The following LCP2 variants were observed in gnomAD, a reference collection of about 807,000 sequenced individuals.
LCP2 encodes 76 kDa tyrosine phosphoprotein.
LCP2 carries 29 observed loss-of-function variants against 74.5 expected under a neutral mutation model. The observed-to-expected ratio is 0.39, with a 90% CI of 0.29 to 0.53. The LOEUF (loss-of-function observed/expected upper bound fraction) is 0.53. LCP2 is among the 20% of genes least tolerant of loss of function. The probability of loss-of-function intolerance (pLI) is 0.72; values close to 1 mark genes in which losing one functional copy is unlikely to be tolerated. For synonymous variants in LCP2, 228 were observed against 229.5 expected, an observed-to-expected ratio of 0.99 and a Z score of 0.06; for missense variants, 604 against 634.6, an observed-to-expected ratio of 0.95 and a Z score of 0.52.
At chr5:170,253,258 T>A (rs1410739566) in intron 17 of LCP2, 45 bp from the exon 18 acceptor site, 1 of 1,329,330 alleles carries the variant, frequency 7.5e-7, no homozygotes, top group Admixed American at 2.1e-5. Context: ...TGTAAGCTAT[T>A]GTTTGCTGCT....
At chr5:170,289,623 TTCTTTCTTTC>T (rs1561978306) in intron 2 of LCP2, among the ~76,000 whole-genome samples, 85 of 92,268 alleles carry the variant, frequency 9.2e-4, no homozygotes, top group African/African-American at 3.9e-3. Context: ...TTCTTTTTCT[TTCTTTCTTTC>T]TTTCTTTCTT....
intron 3 of LCP2, among the ~76,000 whole-genome samples, chr5:170,276,617 G>A (rs1762011534): frequency 6.6e-6 from 1 of 152,034 alleles, no homozygotes; most frequent in African/African-American, 2.4e-5. Context: ...GGGGGAGCTG[G>A]GGCAGGAGGG....
intron 2 of LCP2, among the ~76,000 whole-genome samples, chr5:170,289,609 TTCTTTCTTTTTC>T (rs1762242239): frequency 6.9e-6 from 1 of 144,858 alleles, no homozygotes; most frequent in Non-Finnish European, 1.5e-5. Flanking sequence ...CTTTCTTTCT[TTCTTTCTTTTTC>T]TTTCTTTCTT....
chr5:170,259,775 A>G (rs1474414116), intron 14 of LCP2, among the ~76,000 whole-genome samples: 1 of 152,232 alleles, frequency 6.6e-6, no homozygotes, highest in African/African-American at 2.4e-5. Flanking sequence ...CAGTTGGCCA[A>G]CTGGGAGTCC....
chr5:170,279,317 C>G (rs568987425), intron 3 of LCP2, among the ~76,000 whole-genome samples: 17 of 152,302 alleles, frequency 1.1e-4, no homozygotes, highest in African/African-American at 3.9e-4. Flanking sequence ...GGCCAGTCTT[C>G]ATCTTCTCAG....
At chr5:170,254,720 C>A (rs572149043) in intron 17 of LCP2, among the ~76,000 whole-genome samples, 1 of 152,330 alleles carries the variant, frequency 6.6e-6, no homozygotes, top group African/African-American at 2.4e-5. Context: ...AGAAATGATT[C>A]TCTTTCTGCC....
At position 170,267,042 on chromosome 5, in the gene LCP2, G is replaced by A; in HGVS notation, c.655C>T (p.Pro219Ser). ...GTTTTGTGGTTTCTGCTTCTGCTGG[G>A]TTCTTCGTGGTTGGTCTGGGGTGGG... Reference protein sequence around the residue: ...LPPPQTNHEEPSRSRNHKTAK... With the variant: ...LPPPQTNHEESSRSRNHKTAK... The change falls in exon 9 of 21, where the codon CCC becomes TCC. Residue 219 changes from proline (P) to serine (S), a missense_variant. Coordinates refer to ENST00000046794, the MANE Select transcript of LCP2 (RefSeq NM_005565.5). 1 of 1,613,916 alleles carries A rather than the reference G, an allele frequency of 6.2e-7. No individual in the cohort carries two copies. Among genetic ancestry groups the A allele is most frequent in the South Asian group, 1.1e-5 (1 of 91,084 alleles).
intron 3 of LCP2, among the ~76,000 whole-genome samples, chr5:170,282,463 C>A (rs1255038352): frequency 6.6e-6 from 1 of 152,186 alleles, no homozygotes; most frequent in South Asian, 2.1e-4. Context: ...GAAGCTGAGG[C>A]TCTGATTGCC....
At chr5:170,291,199 C>CAAGAAGGAAGGAAGGA (rs568745392) in intron 2 of LCP2, among the ~76,000 whole-genome samples, 1 of 125,524 alleles carries the variant, frequency 8.0e-6, no homozygotes, top group African/African-American at 3.5e-5. Context: ...GGAAAGAAGG[C>CAAGAAGGAAGGAAGGA]AGGAAGGAAG....
In LCP2 at chr5:170,248,425, A is replaced by ATCT; in HGVS notation, c.*269_*271dup. 3.4e-6 allele frequency: 1 copy of ATCT among 292,298 alleles called. No individual in the cohort carries two copies. Among genetic ancestry groups the ATCT allele is most frequent in the Non-Finnish European group, 6.4e-6 (1 of 155,418 alleles). The allele number at this position is 292,298 out of a possible 1,614,324, so 18.1% of individuals were successfully genotyped here. ...TGTATTTTGAAATGGGCATTAAATAATCTTTTAAAAAATGAATTATTACAG... is the reference window on the plus strand; with the variant it reads ...TGTATTTTGAAATGGGCATTAAATAATCTTCTTTTAAAAAATGAATTATTACAG... On this transcript the variant is annotated 3_prime_UTR_variant, in exon 21 of 21. Coordinates refer to ENST00000046794, the MANE Select transcript of LCP2 (RefSeq NM_005565.5).
intron 14 of LCP2, among the ~76,000 whole-genome samples, chr5:170,260,242 T>C (rs903734712): frequency 6.6e-6 from 1 of 152,252 alleles, no homozygotes; most frequent in Non-Finnish European, 1.5e-5. Flanking sequence ...GATTGCATGC[T>C]GTCTGGCATG....
chr5:170,259,674 T>C (rs1366064759), intron 14 of LCP2, among the ~76,000 whole-genome samples: 1 of 152,198 alleles, frequency 6.6e-6, no homozygotes, highest in Non-Finnish European at 1.5e-5. Flanking sequence ...GTCTGGCTTA[T>C]GTTAAGTGCT....
chr5:170,264,351 G>A (rs771368375), intron 10 of LCP2, among the ~76,000 whole-genome samples: 41 of 152,220 alleles, frequency 2.7e-4, no homozygotes, highest in Admixed American at 7.2e-4. Flanking sequence ...GCTGACAATT[G>A]TTAGTTAACT....
chr5:170,255,893 A>C (rs1761541022), intron 17 of LCP2, among the ~76,000 whole-genome samples: 1 of 152,206 alleles, frequency 6.6e-6, no homozygotes, highest in South Asian at 2.1e-4. Context: ...GGACGTCCAG[A>C]GGTGGTATTA....
intron 2 of LCP2, among the ~76,000 whole-genome samples, chr5:170,292,658 T>C (rs1762311329): frequency 6.6e-6 from 1 of 152,162 alleles, no homozygotes; most frequent in African/African-American, 2.4e-5. Flanking sequence ...ATTGGTGCAG[T>C]CAGGGTCTTT....
chr5:170,285,555 A>G (rs997317361), intron 3 of LCP2, among the ~76,000 whole-genome samples: 9 of 152,196 alleles, frequency 5.9e-5, no homozygotes, highest in African/African-American at 2.2e-4. Flanking sequence ...TCTTGCTTTT[A>G]AGGTTTTCTA....
At position 170,253,133 on chromosome 5, in the gene LCP2, G is replaced by A. The variant is rs745596318; in HGVS notation, c.1231C>T (p.Pro411Ser). The change falls in exon 18 of 21, where the codon CCC becomes TCC. Residue 411 changes from proline (P) to serine (S), a missense_variant. By Grantham distance (74) the Pro-to-Ser change is moderately conservative. Transcript: ENST00000046794. ...TGCTCTCTTACCTCTTCCTCCGCGG[G>A]GGATGGGGGCCGAGGTTTGTTTGGA... ...PLPNKPRPPS[P>S]AEEENSLNEE... is the part of the protein sequence containing the mutation. The A allele has an allele frequency of 5.0e-6, 8 of 1,609,600 alleles. No individual in the cohort carries two copies. The highest frequency in any genetic ancestry group is 2.7e-5 in the African/African-American group (2 of 74,822).
chr5:170,275,591 T>C (rs563543199), intron 4 of LCP2: 133 of 642,154 alleles, frequency 2.1e-4, no homozygotes, highest in Admixed American at 7.0e-4. Context: ...GTAGAGGAAG[T>C]TCCCCTGATG....
intron 15 of LCP2, 93 bp from the exon 16 acceptor site, chr5:170,258,259 G>C: frequency 7.7e-7 from 1 of 1,304,924 alleles, no homozygotes; most frequent in Non-Finnish European, 1.1e-6. Flanking sequence ...GAAACAGCTA[G>C]TATAAAGAGG....
Sources: allele counts gnomAD v4.1 joint callset (sites outside exome capture counted in the v4.1 genomes callset), GRCh38; gene constraint gnomAD v4.1.1; transcripts MANE v1.5; gene names NCBI Gene and HGNC (gene_info 2026-07-23, HGNC 2026-07-21).